P2RY6: variants seen among roughly 807,000 people sequenced by gnomAD.
The protein encoded by P2RY6 is pyrimidinergic receptor P2Y6, also known as P2Y purinoceptor 6.
Under a neutral mutation model 16.3 loss-of-function variants are expected in P2RY6, and 19 were observed. The ratio of observed to expected loss-of-function variants is 1.16; its 90% CI spans 0.81 to 1.71. The LOEUF (loss-of-function observed/expected upper bound fraction) is 1.71, where lower values mean the gene tolerates loss of function less well. P2RY6 is among the 40% of genes most tolerant of loss of function. The pLI is 0.00. For synonymous variants in P2RY6, 184 were observed against 201.5 expected (o/e 0.91, Z 0.74); for missense variants, 389 against 455.5 (o/e 0.85, Z 1.33).
At chr11:73,292,974 G>T (rs114946377) in intron 1 of P2RY6, 77 of 189,100 alleles carry the variant, frequency 4.1e-4, no homozygotes, top group East Asian at 1.6e-3. Context: ...TGCGGGGGGT[G>T]GGGGGGGGAG....
At chr11:73,276,980 T>C (rs1863563833) in intron 1 of P2RY6, among the ~76,000 whole-genome samples, 1 of 152,186 alleles carries the variant, frequency 6.6e-6, no homozygotes, top group Non-Finnish European at 1.5e-5. Flanking sequence ...GTGAGTTTCC[T>C]GGCAGCTGGA....
In P2RY6 at chr11:73,297,401, G is replaced by T. The variant is rs368917743; in HGVS notation, c.883G>T (p.Val295Leu). The change falls in exon 3 of 3, where the codon GTG becomes TTG. Residue 295 changes from valine to leucine, a missense_variant. Physicochemically the swap from Val to Leu is conservative, Grantham distance 32. Transcript: ENST00000540124. ...GTRPFASANS[V>L]LDPILFYFTQ... ...GCGGCCGTTTGCCAGTGCCAACAGC[G>T]TGCTGGACCCCATCCTCTTCTACTT... The T allele has an allele frequency of 6.2e-7, 1 of 1,612,290 alleles. No homozygotes were observed. Among genetic ancestry groups the T allele is most frequent in the Non-Finnish European group, 8.5e-7 (1 of 1,180,024 alleles).
intron 1 of P2RY6, among the ~76,000 whole-genome samples, chr11:73,273,854 T>TA (rs1863421323): frequency 6.6e-6 from 1 of 152,178 alleles, no homozygotes; most frequent in South Asian, 2.1e-4. Context: ...TTATTTTTTT[T>TA]AAGATAGAGT....
At chr11:73,270,671 G>A (rs1374365365), upstream of P2RY6, among the ~76,000 whole-genome samples, 2 of 152,230 alleles carry the variant, frequency 1.3e-5, no homozygotes, top group African/African-American at 4.8e-5. Flanking sequence ...AGGGCTGGGA[G>A]TGGGGCACAA....
chr11:73,291,163 T>C (rs1864229269), intron 1 of P2RY6, among the ~76,000 whole-genome samples: 1 of 152,208 alleles, frequency 6.6e-6, no homozygotes, highest in South Asian at 2.1e-4. Flanking sequence ...TGCTCTTATC[T>C]GAGCAGAGCG....
Position 73,292,902 on chromosome 11 carries a change from C to T in P2RY6, c.-120-2828C>T, listed in dbSNP as rs888383921. 7 of 975,368 alleles carry T rather than the reference C, an allele frequency of 7.2e-6. No individual in the cohort carries two copies. The African/African-American group carries it at 7.3e-5, about 10-fold the overall frequency. The allele number at this position is 975,368 out of a possible 1,614,324, so 60.4% of individuals were successfully genotyped here. A position where few individuals can be genotyped will look rare whatever the true frequency, so the allele number is the denominator to read the frequency against. On this transcript the variant is annotated intron_variant, in intron 1 of 2. Coordinates refer to ENST00000540124, the MANE Select transcript of P2RY6 (RefSeq NM_001277204.2). ...CACACTTGGGACCACCAGCGTGCTG[C>T]AGGGACAGGAGGCTGCCTGTGAGTG...
upstream of P2RY6, among the ~76,000 whole-genome samples, chr11:73,270,926 C>A (rs1174889211): frequency 3.3e-5 from 5 of 152,152 alleles, no homozygotes. Context: ...CGCCCCTTAC[C>A]CTCCTTTATG....
intron 1 of P2RY6, among the ~76,000 whole-genome samples, chr11:73,287,208 G>A (rs1372745493): frequency 6.6e-6 from 1 of 152,204 alleles, no homozygotes; most frequent in Admixed American, 6.5e-5. Flanking sequence ...GACAATGCCT[G>A]GAACTTAGTT....
chr11:73,297,276 T>C lies in P2RY6; in HGVS notation c.758T>C (p.Leu253Pro), dbSNP rs779777489. Residue 253 changes from leucine (L) to proline (P), a missense_variant, in exon 3 of 3, where the codon CTG (leucine) becomes CCG (proline). Transcript: ENST00000540124. ...GCTGCTGCCTTTGCCATCAGCTTCC[T>C]GCCTTTTCACATCACCAAGACAGCC... ...VVAAAFAISF[L>P]PFHITKTAYL... 6.2e-7 allele frequency: 1 copy of C among 1,608,326 alleles called. No individual in the cohort carries two copies. The highest frequency in any genetic ancestry group is 8.5e-7 in the Non-Finnish European group (1 of 1,179,498).
chr11:73,267,965 A>C (rs1863159958), upstream of P2RY6, among the ~76,000 whole-genome samples: 1 of 152,244 alleles, frequency 6.6e-6, no homozygotes, highest in Admixed American at 6.5e-5. Context: ...AGCTCTTCAC[A>C]TGCAACTTGC....
upstream of P2RY6, chr11:73,271,661 G>A (rs1378446957): frequency 6.6e-6 from 1 of 152,266 alleles, no homozygotes; most frequent in Non-Finnish European, 1.5e-5. Context: ...GCAGGCCCAG[G>A]CCTGGTTTCG....
intron 1 of P2RY6, among the ~76,000 whole-genome samples, chr11:73,290,082 G>A (rs1246376736): frequency 6.6e-6 from 1 of 152,020 alleles, no homozygotes; most frequent in Non-Finnish European, 1.5e-5. Flanking sequence ...TTAGTCTGGT[G>A]TGGTGGCACA....
upstream of P2RY6, among the ~76,000 whole-genome samples, chr11:73,269,054 G>A (rs1030994691): frequency 4.6e-5 from 7 of 152,218 alleles, no homozygotes; most frequent in Non-Finnish European, 8.8e-5. Flanking sequence ...AAGACACTAG[G>A]ACTGAGCTAG....
rs1428081272 is a variant in P2RY6, at chr11:73,296,783, G to A, written c.265G>A (p.Gly89Ser). ...CCTGCTCATCTACAACTATGCCCAA[G>A]GTGATCACTGGCCCTTTGGCGACTT... ...LPLLIYNYAQGDHWPFGDFAC... is the reference protein window; with the variant it reads ...LPLLIYNYAQSDHWPFGDFAC... Residue 89 changes from glycine (G) to serine (S), a missense_variant, in exon 3 of 3, where the codon GGT (glycine) becomes AGT (serine). Transcript: ENST00000540124. 2 of 1,611,928 alleles carry A rather than the reference G, an allele frequency of 1.2e-6. No homozygotes were observed. Among genetic ancestry groups the A allele is most frequent in the East Asian group, 2.2e-5 (1 of 44,892 alleles).
Position 73,267,108 on chromosome 11 carries a change from C to T in P2RY6, c.-281+2459C>T, listed in dbSNP as rs533053912. ...TAGAAGTCTACAATTCGAACTCCAA[C>T]TTTCTACACTCCAAAGCTGTAACAT... is the stretch of plus-strand genomic sequence containing the variant. On this transcript the variant is annotated intron_variant, in intron 1 of 3. Transcript: ENST00000349767. 2.0e-5 allele frequency among the ~76,000 whole-genome samples: 3 copies of T among 152,352 alleles called. No homozygotes were observed. In the South Asian group the frequency reaches 6.2e-4, roughly 32 times the overall value.
At chr11:73,282,016 C>A (rs1406576235) in intron 1 of P2RY6, among the ~76,000 whole-genome samples, 1 of 152,226 alleles carries the variant, frequency 6.6e-6, no homozygotes, top group East Asian at 1.9e-4. Flanking sequence ...CAGCTCCCTG[C>A]AGGGCTACAG....
At chr11:73,273,845 T>A (rs1408362972) in intron 1 of P2RY6, among the ~76,000 whole-genome samples, 2 of 152,206 alleles carry the variant, frequency 1.3e-5, no homozygotes, top group African/African-American at 4.8e-5. Context: ...TTGGGATTTT[T>A]ATTTTTTTTA....
chr11:73,268,303 A>T (rs1302278705), upstream of P2RY6, among the ~76,000 whole-genome samples: 1 of 152,146 alleles, frequency 6.6e-6, no homozygotes. Flanking sequence ...GGCTGCAGAG[A>T]GGGAAAACCT....
chr11:73,270,431 C>T (rs1384979607), upstream of P2RY6, among the ~76,000 whole-genome samples: 1 of 152,162 alleles, frequency 6.6e-6, no homozygotes, highest in Non-Finnish European at 1.5e-5. Context: ...ACGGGGGGCA[C>T]AGCCAGCCCC....
Sources: allele counts gnomAD v4.1 joint callset (sites outside exome capture counted in the v4.1 genomes callset), GRCh38; gene constraint gnomAD v4.1.1; transcripts MANE v1.5; gene names NCBI Gene and HGNC (gene_info 2026-07-23, HGNC 2026-07-21).